EML4: variants seen among roughly 807,000 people sequenced by gnomAD.
EML4 encodes EMAP like 4, also known as echinoderm microtubule-associated protein-like 4.
EML4 carries 72 observed loss-of-function variants against 129.0 expected under a neutral mutation model. The ratio of observed to expected loss-of-function variants is 0.56; its 90% confidence interval spans 0.46 to 0.68. The LOEUF is 0.68. Ranked by LOEUF, EML4 falls within the 30% of genes least tolerant of loss-of-function variation. The probability of loss-of-function intolerance (pLI) is 0.00; values close to 1 mark genes in which losing one functional copy is unlikely to be tolerated. For synonymous variants in EML4, 532 were observed against 405.0 expected (o/e 1.31, Z -3.77); for missense variants, 1,363 against 1,190.6 (o/e 1.14, Z -2.13).
At chr2:42,294,916 C>T (rs1667858957) in intron 11 of EML4, among the ~76,000 whole-genome samples, 1 of 152,006 alleles carries the variant, frequency 6.6e-6, no homozygotes. Context: ...TTATAAATAG[C>T]ATAAAAGGTG....
chr2:42,239,767 C>T (rs541618019), intron 1 of EML4, among the ~76,000 whole-genome samples: 4 of 53,536 alleles, frequency 7.5e-5, no homozygotes, highest in South Asian at 7.3e-4. Context: ...ATAATAAAGG[C>T]GGCGGGGGGT....
At chr2:42,275,917 T>C (rs1419831797) in intron 6 of EML4, among the ~76,000 whole-genome samples, 1 of 152,224 alleles carries the variant, frequency 6.6e-6, no homozygotes, top group East Asian at 1.9e-4. Context: ...CGTATTCTGC[T>C]TTGATCAGTC....
intron 10 of EML4, 117 bp downstream of exon 10, chr2:42,286,496 G>T (rs1304744826): frequency 3.0e-6 from 2 of 666,002 alleles, no homozygotes; most frequent in East Asian, 2.6e-5. Context: ...AAAATGAGAT[G>T]CTAGCTATTG....
intron 20 of EML4, 48 bp downstream of exon 20, chr2:42,325,602 T>TTATATTTATATATATATATA (rs1669753079): frequency 8.0e-6 from 1 of 124,280 alleles, no homozygotes; most frequent in Non-Finnish European, 1.7e-5. Flanking sequence ...ATGATTATAT[T>TTATATTTATATATATATATA]TATATATATA....
intron 1 of EML4, among the ~76,000 whole-genome samples, chr2:42,205,957 AT>A (rs1672515486): frequency 6.6e-6 from 1 of 151,340 alleles, no homozygotes; most frequent in African/African-American, 2.4e-5. Flanking sequence ...TCAAGACCCA[AT>A]TTTTTTTCTT....
chr2:42,252,846 A>G (rs1432404376), intron 2 of EML4, among the ~76,000 whole-genome samples: 1 of 151,918 alleles, frequency 6.6e-6, no homozygotes, highest in Non-Finnish European at 1.5e-5. Flanking sequence ...ATCCTTATAG[A>G]ATTATGTGTC....
chr2:42,220,891 C>T (rs2104106143), intron 1 of EML4, among the ~76,000 whole-genome samples: 1 of 152,280 alleles, frequency 6.6e-6, no homozygotes, highest in South Asian at 2.1e-4. Flanking sequence ...ACAACATTCC[C>T]TTAAGCCAAA....
At chr2:42,285,878 T>G in intron 9 of EML4, 1 of 217,012 alleles carries the variant, frequency 4.6e-6, no homozygotes, top group Non-Finnish European at 9.4e-6. Flanking sequence ...GGATTACCGG[T>G]GTGGGCCCCC....
At chr2:42,284,224 A>C (rs987515477) in intron 8 of EML4, among the ~76,000 whole-genome samples, 2 of 152,246 alleles carry the variant, frequency 1.3e-5, no homozygotes, top group African/African-American at 4.8e-5. Flanking sequence ...TCAAGTCAGC[A>C]TGTATGAGGA....
intron 1 of EML4, among the ~76,000 whole-genome samples, chr2:42,210,061 ATATCT>A (rs1167432016): frequency 7.2e-5 from 11 of 152,306 alleles, no homozygotes; most frequent in Admixed American, 6.5e-4. Context: ...CTTATTATTA[ATATCT>A]TATATTAGTA....
intron 1 of EML4, among the ~76,000 whole-genome samples, chr2:42,203,873 G>T (rs1337872872): frequency 6.6e-6 from 1 of 152,052 alleles, no homozygotes; most frequent in East Asian, 1.9e-4. Context: ...TTACTATAAG[G>T]TATAGTGCTA....
At chr2:42,230,793 C>T (rs1300449736) in intron 1 of EML4, among the ~76,000 whole-genome samples, 1 of 152,054 alleles carries the variant, frequency 6.6e-6, no homozygotes, top group Non-Finnish European at 1.5e-5. Context: ...AATATCTTCA[C>T]CTCCTCTCAT....
chr2:42,244,901 C>T (rs1248333969), intron 1 of EML4, among the ~76,000 whole-genome samples: 1 of 151,784 alleles, frequency 6.6e-6, no homozygotes, highest in Non-Finnish European at 1.5e-5. Flanking sequence ...GGAGCCTTTT[C>T]GTGAGAAAAC....
intron 1 of EML4, among the ~76,000 whole-genome samples, chr2:42,177,955 G>C (rs1474638562): frequency 1.3e-5 from 2 of 152,186 alleles, no homozygotes; most frequent in Admixed American, 6.5e-5. Context: ...GTCACAATCA[G>C]ATGAAAGATA....
chr2:42,244,652 A>G (rs1430753187), intron 1 of EML4, among the ~76,000 whole-genome samples: 2 of 152,294 alleles, frequency 1.3e-5, no homozygotes, highest in East Asian at 1.9e-4. Flanking sequence ...TTAATTACAT[A>G]GCAATACCGA....
intron 17 of EML4, among the ~76,000 whole-genome samples, chr2:42,306,692 C>CA (rs1572728904): frequency 6.7e-6 from 1 of 149,892 alleles, no homozygotes; most frequent in East Asian, 2.0e-4. Flanking sequence ...TTAGTAGAGA[C>CA]AGAGTTTCAC....
intron 1 of EML4, among the ~76,000 whole-genome samples, chr2:42,172,640 G>A (rs189109012): frequency 5.3e-4 from 81 of 152,062 alleles, no homozygotes; most frequent in Non-Finnish European, 9.7e-4. Context: ...ACTTAAGGCA[G>A]CACTTTAGAA....
chr2:42,292,225 C>T (rs1667689332), intron 11 of EML4, among the ~76,000 whole-genome samples: 1 of 152,140 alleles, frequency 6.6e-6, no homozygotes, highest in Non-Finnish European at 1.5e-5. Context: ...TAGTGAATTT[C>T]AGAAAACTAT....
chr2:42,181,828 G>A (rs557372703), intron 1 of EML4, among the ~76,000 whole-genome samples: 1 of 152,108 alleles, frequency 6.6e-6, no homozygotes, highest in East Asian at 1.9e-4. Flanking sequence ...AGGAGCCCTA[G>A]TTCTTTTATG....
Sources: gnomAD v4.1 joint callset for allele counts (sites outside exome capture counted in the v4.1 genomes callset) on GRCh38, gnomAD v4.1.1 for gene constraint, MANE v1.5 for transcripts, NCBI Gene and HGNC (gene_info 2026-07-23, HGNC 2026-07-21) for gene names.